Variants in KLHL13 observed in about 807,000 individuals in gnomAD.
The protein encoded by KLHL13 is kelch like family member 13, also known as kelch-like protein 13.
KLHL13 carries 10 observed loss-of-function variants against 37.1 expected under a neutral mutation model. The ratio of observed to expected loss-of-function variants is 0.27; its 90% CI spans 0.17 to 0.46. The LOEUF (loss-of-function observed/expected upper bound fraction) is 0.46, where lower values mean the gene tolerates loss of function less well. Among genes scored for constraint, KLHL13 ranks in the 20% least tolerant of loss-of-function variants. The pLI, the probability that KLHL13 is intolerant of heterozygous loss-of-function variation, is 1.00. For missense variants in KLHL13, 360 were observed against 509.3 expected (o/e 0.71, Z 2.82); for synonymous variants, 163 against 181.2 (o/e 0.90, Z 0.81).
rs746728676 is a variant in KLHL13, at chrX:118,018,331, C to G, written c.-55-72756G>C. On this transcript the variant is annotated intron_variant, in intron 1 of 6. Coordinates refer to the KLHL13 transcript ENST00000371882. Reference sequence around the variant, plus strand: ...AGAAGAAGGTCAATGAGTAGAAGAACTCATCACTTTTCATCATGCTTTTGC... The same window carrying G: ...AGAAGAAGGTCAATGAGTAGAAGAAGTCATCACTTTTCATCATGCTTTTGC... Among the ~76,000 whole-genome samples, 9 of 111,774 alleles carry G rather than the reference C, an allele frequency of 8.1e-5. No individual in the cohort carries two copies. In the South Asian group the frequency reaches 3.4e-3, roughly 42 times the overall value.
At chrX:118,094,264 G>A (rs936758299) in intron 1 of KLHL13, among the ~76,000 whole-genome samples, 25 of 111,404 alleles carry the variant, frequency 2.2e-4, no homozygotes, top group Non-Finnish European at 4.5e-4. Flanking sequence ...AGTAGCCGAT[G>A]CGATCAAATG....
chrX:118,043,623 G>A (rs1483854803), intron 1 of KLHL13, among the ~76,000 whole-genome samples: 1 of 111,410 alleles, frequency 9.0e-6, no homozygotes, highest in African/African-American at 3.3e-5. Flanking sequence ...ATCAATAGAA[G>A]GAAGGACAAA....
intron 1 of KLHL13, among the ~76,000 whole-genome samples, chrX:117,998,508 C>T (rs1442599008): frequency 1.8e-5 from 2 of 111,202 alleles, no homozygotes; most frequent in African/African-American, 6.5e-5. Context: ...CAAAGAATCA[C>T]AGATATCAGG....
chrX:117,962,918 C>A (rs2053328738), intron 1 of KLHL13, among the ~76,000 whole-genome samples: 1 of 111,527 alleles, frequency 9.0e-6, no homozygotes, highest in African/African-American at 3.3e-5. Flanking sequence ...ACTTACAGGG[C>A]TTTTTGGGAG....
intron 2 of KLHL13, among the ~76,000 whole-genome samples, chrX:117,944,251 C>A (rs1275495988): frequency 9.0e-6 from 1 of 110,863 alleles, no homozygotes; most frequent in African/African-American, 3.3e-5. Flanking sequence ...TCCCTTTTCC[C>A]TACACAGCTT....
intron 1 of KLHL13, among the ~76,000 whole-genome samples, chrX:117,950,845 C>T (rs1317981560): frequency 1.8e-5 from 2 of 112,553 alleles, no homozygotes; most frequent in Admixed American, 9.4e-5. Context: ...GCAGCATTTG[C>T]TAAATGAAAC....
intron 1 of KLHL13, among the ~76,000 whole-genome samples, chrX:117,962,142 C>A (rs1321952926): frequency 4.8e-5 from 5 of 105,034 alleles, no homozygotes; most frequent in African/African-American, 1.8e-4. Context: ...GTCCGGTGGT[C>A]GAGGCTGCAG....
intron 4 of KLHL13, among the ~76,000 whole-genome samples, chrX:117,915,569 C>A (rs1369549942): frequency 8.9e-6 from 1 of 112,107 alleles, no homozygotes; most frequent in African/African-American, 3.2e-5. Flanking sequence ...ATCCCCAAGT[C>A]TAAAGCCCAA....
rs185870365 is a variant in KLHL13 at position 118,078,246 on chromosome X, A to T, written c.-56+38262T>A. Among the ~76,000 whole-genome samples the T allele has an allele frequency of 7.7e-3, 856 of 111,736 alleles. 11 individuals are homozygous for T. Among genetic ancestry groups the T allele is most frequent in the African/African-American group, 0.025 (785 of 30,848 alleles). On this transcript the variant is annotated intron_variant, in intron 1 of 6. Transcript: ENST00000371882. ...CAAATCACATGGGTTTAATTTTAAA[A>T]TTTTTAATTAGGTTTATTGAGGTGT...
At chrX:118,094,609 T>C (rs1447190586) in intron 1 of KLHL13, among the ~76,000 whole-genome samples, 2 of 107,436 alleles carry the variant, frequency 1.9e-5, no homozygotes, top group Non-Finnish European at 3.9e-5. Flanking sequence ...AAAGTTGAAA[T>C]GAAGGAAAAA....
chrX:117,964,743 C>G (rs972217659), intron 1 of KLHL13, among the ~76,000 whole-genome samples: 3 of 111,208 alleles, frequency 2.7e-5, no homozygotes, highest in Middle Eastern at 4.2e-3. Flanking sequence ...CCCCCTTCCC[C>G]CACCCCATAA....
At chrX:118,031,892 C>T (rs973749468) in intron 1 of KLHL13, among the ~76,000 whole-genome samples, 19 of 108,763 alleles carry the variant, frequency 1.7e-4, no homozygotes, top group Admixed American at 1.0e-3. Flanking sequence ...GTGCACCGTG[C>T]GCGAGCCGAA....
In KLHL13 at chrX:117,983,415, C is replaced by T. The variant is rs1209727941; in HGVS notation, c.-55-37840G>A. ...GTCTTCTAGTATTCTCAGGGTCTTT[C>T]ATGAAAACCAATTCGCACTGAAAAA... On this transcript the variant is annotated intron_variant, in intron 1 of 6. Coordinates refer to the KLHL13 transcript ENST00000371882. 18 of 658,193 alleles carry T rather than the reference C, an allele frequency of 2.7e-5. No individual in the cohort carries two copies. In the East Asian group the frequency reaches 6.1e-4, roughly 22 times the overall value. The allele number at this position is 658,193 out of a possible 1,213,427, so 54.2% of individuals were successfully genotyped here. A position where few individuals can be genotyped will look rare whatever the true frequency, so the allele number is the denominator to read the frequency against.
intron 1 of KLHL13, among the ~76,000 whole-genome samples, chrX:118,110,210 T>G (rs1174208642): frequency 9.1e-6 from 1 of 110,307 alleles, no homozygotes; most frequent in African/African-American, 3.3e-5. Flanking sequence ...GGTTTTCCTT[T>G]GCATGTTTTT....
intron 1 of KLHL13, among the ~76,000 whole-genome samples, chrX:117,949,360 G>C (rs1279716670): frequency 1.8e-5 from 2 of 110,733 alleles, no homozygotes; most frequent in Middle Eastern, 9.5e-3. Context: ...ATGAAGAATT[G>C]TGTCCTGGTA....
At chrX:117,966,419 C>T (rs1467266687) in intron 1 of KLHL13, among the ~76,000 whole-genome samples, 1 of 110,868 alleles carries the variant, frequency 9.0e-6, no homozygotes, top group Admixed American at 9.6e-5. Context: ...AGGATACAAA[C>T]AAATGGAAGA....
At chrX:118,049,242 G>A (rs1459760381) in intron 1 of KLHL13, among the ~76,000 whole-genome samples, 1 of 111,736 alleles carries the variant, frequency 8.9e-6, no homozygotes, top group Non-Finnish European at 1.9e-5. Context: ...GATAAGTACT[G>A]TGGTAAGAAA....
chrX:117,984,519 G>C (rs2053701616), intron 1 of KLHL13, among the ~76,000 whole-genome samples: 1 of 110,861 alleles, frequency 9.0e-6, no homozygotes, highest in African/African-American at 3.3e-5. Flanking sequence ...TCTTTAGAAA[G>C]ACCTTGACAA....
intron 1 of KLHL13, among the ~76,000 whole-genome samples, chrX:118,021,639 T>C (rs1035863604): frequency 1.8e-5 from 2 of 110,657 alleles, no homozygotes; most frequent in Non-Finnish European, 3.8e-5. Context: ...CAGTCTATCA[T>C]TGATGGGCAT....
Sources: gnomAD v4.1 joint callset for allele counts (sites outside exome capture counted in the v4.1 genomes callset) on GRCh38, gnomAD v4.1.1 for gene constraint, MANE v1.5 for transcripts, NCBI Gene and HGNC (gene_info 2026-07-23, HGNC 2026-07-21) for gene names.